NFAT5: variants seen among roughly 807,000 people sequenced by gnomAD.
The protein encoded by NFAT5 is nuclear factor of activated T-cells 5.
NFAT5 carries 31 observed loss-of-function variants against 166.5 expected under a neutral mutation model. That is an observed-to-expected ratio of 0.19 (90% CI 0.14 to 0.25). The LOEUF (loss-of-function observed/expected upper bound fraction) is 0.25, where lower values mean the gene tolerates loss of function less well. Among genes scored for constraint, NFAT5 ranks in the 10% least tolerant of loss-of-function variants. The pLI is 1.00. For missense variants in NFAT5, 1,449 were observed against 1,821.8 expected, an observed-to-expected ratio of 0.80 and a Z score of 3.72; for synonymous variants, 612 against 639.7, an observed-to-expected ratio of 0.96 and a Z score of 0.65.
At chr16:69,602,858 A>AC (rs1187779751) in intron 2 of NFAT5, among the ~76,000 whole-genome samples, 2 of 150,342 alleles carry the variant, frequency 1.3e-5, no homozygotes, top group Non-Finnish European at 3.0e-5. Context: ...CAATCCACCC[A>AC]CCTCAGCCTC....
chr16:69,670,300 G>A lies in NFAT5; in HGVS notation c.1557+12G>A. ...AACTATTTCATCAGGTAAAATTTAAGCTTTTTTTATAATTTGGTTATTTAC... is the reference window on the plus strand; with the variant it reads ...AACTATTTCATCAGGTAAAATTTAAACTTTTTTTATAATTTGGTTATTTAC... On this transcript the variant is annotated intron_variant, in intron 9 of 14. Coordinates refer to ENST00000349945, the MANE Select transcript of NFAT5 (RefSeq NM_138713.4). 2 of 1,515,944 alleles carry A rather than the reference G, an allele frequency of 1.3e-6. No individual in the cohort carries two copies. Among genetic ancestry groups the A allele is most frequent in the Admixed American group, 2.0e-5 (1 of 49,308 alleles). 93.9% of individuals were successfully genotyped at this position (1,515,944 alleles called of 1,614,324 possible).
At chr16:69,602,584 CTT>C (rs1396442587) in intron 2 of NFAT5, among the ~76,000 whole-genome samples, 25 of 134,268 alleles carry the variant, frequency 1.9e-4, no homozygotes, top group Non-Finnish European at 2.8e-4. Context: ...TTCTTTCTTT[CTT>C]TTTTTTTTTT....
chr16:69,664,537 G>A (rs921284262), intron 7 of NFAT5, among the ~76,000 whole-genome samples: 1 of 151,940 alleles, frequency 6.6e-6, no homozygotes, highest in Non-Finnish European at 1.5e-5. Context: ...CGCCTGCCTC[G>A]GCCTCTCAGG....
At chr16:69,629,931 A>C (rs1472052289) in intron 3 of NFAT5, among the ~76,000 whole-genome samples, 1 of 148,638 alleles carries the variant, frequency 6.7e-6, no homozygotes, top group Non-Finnish European at 1.5e-5. Flanking sequence ...CACCACATGG[A>C]CCTGGGTAAT....
chr16:69,654,890 T>C (rs1178479903), intron 5 of NFAT5, among the ~76,000 whole-genome samples: 2 of 152,236 alleles, frequency 1.3e-5, no homozygotes, highest in East Asian at 3.8e-4. Flanking sequence ...GCATTCTATA[T>C]TAGGAGCTTC....
intron 3 of NFAT5, among the ~76,000 whole-genome samples, chr16:69,632,820 T>C (rs1230062543): frequency 6.6e-6 from 1 of 152,136 alleles, no homozygotes; most frequent in Non-Finnish European, 1.5e-5. Flanking sequence ...ATGTTGTGAG[T>C]TGATCTTGGT....
At chr16:69,596,298 T>A (rs918854962) in intron 2 of NFAT5, among the ~76,000 whole-genome samples, 1 of 152,216 alleles carries the variant, frequency 6.6e-6, no homozygotes, top group African/African-American at 2.4e-5. Flanking sequence ...GATGTATATT[T>A]ATTTCATTTA....
At chr16:69,599,196 T>G (rs986949131) in intron 2 of NFAT5, among the ~76,000 whole-genome samples, 1 of 137,468 alleles carries the variant, frequency 7.3e-6, no homozygotes, top group Non-Finnish European at 1.5e-5. Flanking sequence ...TAGTAATGAC[T>G]ACATAACTTT....
intron 7 of NFAT5, among the ~76,000 whole-genome samples, chr16:69,664,581 G>A (rs753344428): frequency 6.6e-5 from 10 of 151,674 alleles, no homozygotes; most frequent in Non-Finnish European, 1.0e-4. Flanking sequence ...CACCGCACCC[G>A]GCCTCAACTT....
chr16:69,660,997 G>C (rs191768017), intron 7 of NFAT5, among the ~76,000 whole-genome samples: 3 of 151,070 alleles, frequency 2.0e-5, no homozygotes, highest in Admixed American at 2.0e-4. Flanking sequence ...TTTAGTAGAG[G>C]TGGGGTTTCA....
At chr16:69,604,150 A>G (rs2033280721) in intron 2 of NFAT5, among the ~76,000 whole-genome samples, 1 of 152,196 alleles carries the variant, frequency 6.6e-6, no homozygotes, top group Non-Finnish European at 1.5e-5. Context: ...GGCACATAGA[A>G]GCAAGCAGCA....
At chr16:69,595,572 G>A (rs1481918006) in intron 2 of NFAT5, among the ~76,000 whole-genome samples, 1 of 152,140 alleles carries the variant, frequency 6.6e-6, no homozygotes, top group Non-Finnish European at 1.5e-5. Context: ...TGTAACTTTT[G>A]CTGTTTGAGG....
chr16:69,637,488 T>C (rs1567561903), intron 3 of NFAT5, among the ~76,000 whole-genome samples: 1 of 152,178 alleles, frequency 6.6e-6, no homozygotes, highest in Admixed American at 6.5e-5. Flanking sequence ...CATTTGGACT[T>C]ACAGTTCCAC....
intron 2 of NFAT5, among the ~76,000 whole-genome samples, chr16:69,615,214 G>A (rs140796389): frequency 2.0e-5 from 3 of 152,064 alleles, no homozygotes; most frequent in East Asian, 3.9e-4. Flanking sequence ...GCTAATTTTT[G>A]TATTTTACTA....
chr16:69,646,972 A>C, intron 3 of NFAT5, 56 bp from the exon 4 acceptor site: 1 of 1,376,754 alleles, frequency 7.3e-7, no homozygotes, highest in Non-Finnish European at 9.8e-7. Flanking sequence ...TGGGACTGCT[A>C]GCCAGCATAG....
intron 3 of NFAT5, among the ~76,000 whole-genome samples, chr16:69,639,003 A>C (rs1301510804): frequency 6.6e-6 from 1 of 152,162 alleles, no homozygotes; most frequent in Non-Finnish European, 1.5e-5. Context: ...AGTGTAATAA[A>C]TGTAGCTGTC....
chr16:69,621,746 A>T (rs1016723980), intron 2 of NFAT5, among the ~76,000 whole-genome samples: 4 of 152,130 alleles, frequency 2.6e-5, no homozygotes, highest in African/African-American at 9.7e-5. Context: ...CAGGAGGATC[A>T]CTTGAGTCCA....
In NFAT5 at chr16:69,693,449, C is replaced by T. The variant is rs2037636536; in HGVS notation, c.3624C>T (p.His1208=). 1 of 1,614,212 alleles carries T rather than the reference C, an allele frequency of 6.2e-7. No individual in the cohort carries two copies. The highest frequency in any genetic ancestry group is 1.3e-5 in the African/African-American group (1 of 75,056). The change falls in exon 13 of 15, where the codon CAC becomes CAT. Residue 1208 remains histidine, a synonymous_variant. Coordinates refer to ENST00000349945, the MANE Select transcript of NFAT5 (RefSeq NM_138713.4). The stretch of plus-strand genomic sequence containing the variant: ...TCCAACAGCAAGCTCCAATATCACA[C>T]ATCCAGACTCCTATGCTTTCCCAAG... ...AAFQQQAPIS[H]IQTPMLSQEQ...
chr16:69,609,819 G>GAAAAAAAAAAAAAAAAA (rs1157655325), intron 2 of NFAT5, among the ~76,000 whole-genome samples: 1 of 75,324 alleles, frequency 1.3e-5, no homozygotes, highest in Non-Finnish European at 2.7e-5. Flanking sequence ...TGTCTCTACT[G>GAAAAAAAAAAAAAAAAA]AAAAAAAAAA....
Sources: allele counts gnomAD v4.1 joint callset (sites outside exome capture counted in the v4.1 genomes callset), GRCh38; gene constraint gnomAD v4.1.1; transcripts MANE v1.5; gene names NCBI Gene and HGNC (gene_info 2026-07-23, HGNC 2026-07-21).